TJAP1: variants seen among roughly 807,000 people sequenced by gnomAD.
TJAP1 encodes tight junction associated protein 1.
In TJAP1, 27 loss-of-function variants were observed where a neutral mutation model predicts 42.0. The ratio of observed to expected loss-of-function variants is 0.64; its 90% CI spans 0.47 to 0.89. The LOEUF (loss-of-function observed/expected upper bound fraction) is 0.89. Among genes scored for constraint, TJAP1 ranks in the 40% least tolerant of loss-of-function variants. The probability of loss-of-function intolerance (pLI) is 0.00; values close to 1 mark genes in which losing one functional copy is unlikely to be tolerated. For synonymous variants in TJAP1, 257 were observed against 288.4 expected (o/e 0.89, Z 1.10); for missense variants, 712 against 726.9 (o/e 0.98, Z 0.24).
intron 2 of TJAP1, among the ~76,000 whole-genome samples, chr6:43,479,131 G>A (rs774428167): frequency 6.6e-6 from 1 of 152,222 alleles, no homozygotes; most frequent in Non-Finnish European, 1.5e-5. Context: ...CAGTGAATGT[G>A]GCCTTCACTT....
In TJAP1 at chr6:43,505,823, C is replaced by A; in HGVS notation, c.1642C>A (p.Gln548Lys). The change falls in exon 11 of 11, where the codon CAG (glutamine) becomes AAG (lysine). Residue 548 changes from glutamine to lysine, a missense_variant. This residue lies in a region of TJAP1 where 549 missense variants were observed against 528.2 expected (regional missense o/e 1.04). Coordinates refer to ENST00000372449, the Ensembl canonical transcript of TJAP1. The surrounding 1 kb of genome is among the most constrained non-coding windows in gnomAD (Gnocchi z 5.5). ...CCTGCACCGCAAGGACAGCCTGACC[C>A]AGGCCCAGGAGCAGGGCAACCTGCT... The A allele has an allele frequency of 6.7e-7, 1 of 1,492,454 alleles. No homozygotes were observed. Among genetic ancestry groups the A allele is most frequent in the Non-Finnish European group, 8.9e-7 (1 of 1,125,470 alleles). The allele number at this position is 1,492,454 out of a possible 1,614,324, so 92.5% of individuals were successfully genotyped here. A position where few individuals can be genotyped will look rare whatever the true frequency, so the allele number is the denominator to read the frequency against.
In TJAP1 at chr6:43,505,056, ACT is replaced by A; in HGVS notation, c.880_881del (p.Leu294GlyfsTer17). 6.2e-7 allele frequency: 1 copy of A among 1,613,364 alleles called. No individual in the cohort carries two copies. Among genetic ancestry groups the A allele is most frequent in the Non-Finnish European group, 8.5e-7 (1 of 1,179,842 alleles). On this transcript the variant is annotated frameshift_variant, in exon 11 of 11. Transcript: ENST00000372449. LOFTEE classifies it high-confidence loss of function. The surrounding 1 kb of genome is among the most constrained non-coding windows in gnomAD (Gnocchi z 5.5). ...ACCCCACAACCCAATGGGGAGTGCC[ACT>A]CTCTGGGTACTGCCAGGGGCTCCCC...
Position 43,505,801 on chromosome 6 carries a change from G to A in TJAP1, c.1620G>A (p.Leu540=), listed in dbSNP as rs746775196. 5 of 1,502,084 alleles carry A rather than the reference G, an allele frequency of 3.3e-6. No homozygotes were observed. The highest frequency in any genetic ancestry group is 2.3e-5 in the Admixed American group (1 of 42,906). 93.0% of individuals were successfully genotyped at this position (1,502,084 alleles called of 1,614,324 possible). A position where few individuals can be genotyped will look rare whatever the true frequency, so the allele number is the denominator to read the frequency against. The change falls in exon 11 of 11, where the codon CTG becomes CTA. Residue 540 remains leucine (L), a synonymous_variant. Transcript: ENST00000372449. This position sits in a 1 kb window ranked among gnomAD's most constrained non-coding sequence, Gnocchi z 5.5. ...CCAAGAGGATGGGGGTTCACCACCTGCACCGCAAGGACAGCCTGACCCAGG... is the reference window on the plus strand; with the variant it reads ...CCAAGAGGATGGGGGTTCACCACCTACACCGCAAGGACAGCCTGACCCAGG...
chr6:43,487,626 T>C lies in TJAP1; in HGVS notation c.-122+9394T>C, dbSNP rs142227687. Among the ~76,000 whole-genome samples the C allele has an allele frequency of 2.4e-3, 369 of 152,252 alleles. 2 individuals carry two copies. The highest frequency in any genetic ancestry group is 8.6e-3 in the African/African-American group (358 of 41,538). ...ACCATAAGCATCAAAGGAAATATCA[T>C]GGAAGGGAAAGAGCTTCTGGGATGA... On this transcript the variant is annotated intron_variant, in intron 2 of 10. Coordinates refer to ENST00000372449, the Ensembl canonical transcript of TJAP1.
intron 4 of TJAP1, 56 bp from the exon 5 acceptor site, chr6:43,500,688 C>T (rs1790327168): frequency 6.2e-7 from 1 of 1,610,206 alleles, no homozygotes; most frequent in Non-Finnish European, 8.5e-7. Flanking sequence ...GGAGGGTGAG[C>T]CAGCCGGGGG....
rs563099164 is a variant in TJAP1 at position 43,481,821 on chromosome 6, T to C, written c.-122+3589T>C. Among the ~76,000 whole-genome samples the C allele has an allele frequency of 3.3e-4, 50 of 152,318 alleles. 1 individual carries two copies. Among genetic ancestry groups the C allele is most frequent in the African/African-American group, 1.1e-3 (46 of 41,576 alleles). On this transcript the variant is annotated intron_variant, in intron 2 of 10. Transcript: ENST00000372449. ...TATTTAAGACTCACTCTCCTCCTCC[T>C]TCTGAGTCATGTCCTGTCTATTTAA...
At chr6:43,497,693 G>C (rs1789527284) in intron 2 of TJAP1, 188 bp from the exon 3 acceptor site, 1 of 152,258 alleles carries the variant, frequency 6.6e-6, no homozygotes, top group South Asian at 2.1e-4. Flanking sequence ...CATGGAGAAA[G>C]GCAGGAACCC....
At chr6:43,500,603 C>A in intron 4 of TJAP1, 141 bp from the exon 5 acceptor site, 1 of 840,922 alleles carries the variant, frequency 1.2e-6, no homozygotes, top group Non-Finnish European at 2.0e-6. Context: ...TTGCTTCCAT[C>A]CGTAGAGAGC....
At chr6:43,478,001 T>A (rs1337681676) in intron 1 of TJAP1, 86 bp from the exon 2 acceptor site, 1 of 151,058 alleles carries the variant, frequency 6.6e-6, no homozygotes, top group Non-Finnish European at 1.5e-5. Flanking sequence ...TCTAGTAGAG[T>A]GGGATAGTGA....
rs1582076196 is a variant in TJAP1, at chr6:43,500,776, A to G, written c.128+4A>G. On this transcript the variant is annotated splice_donor_region_variant and intron_variant, in intron 5 of 10. Coordinates refer to ENST00000372449, the Ensembl canonical transcript of TJAP1. ...TGACTGATGCAGAAAGGATGAAGTG[A>G]GTATCTGCTACCTGAGATACTGCCC... 1 of 1,614,088 alleles carries G rather than the reference A, an allele frequency of 6.2e-7. No individual in the cohort carries two copies. The highest frequency in any genetic ancestry group is 8.5e-7 in the Non-Finnish European group (1 of 1,180,000).
At chr6:43,503,338 G>C in intron 8 of TJAP1, 63 bp from the exon 9 acceptor site, 1 of 1,305,790 alleles carries the variant, frequency 7.7e-7, no homozygotes. Context: ...GATGGGAGGA[G>C]GTGGAGGGAG....
rs1408608550 is a variant in TJAP1, at chr6:43,505,001, C to T, written c.820C>T (p.Pro274Ser). The T allele has an allele frequency of 2.5e-6, 4 of 1,613,952 alleles. No individual in the cohort carries two copies. The highest frequency in any genetic ancestry group is 2.2e-5 in the East Asian group (1 of 44,882). The change falls in exon 11 of 11, where the codon CCA becomes TCA. Residue 274 changes from proline to serine, a missense_variant. Around this residue, in one of 3 missense-constraint regions of TJAP1, gnomAD observed 549 missense variants for 528.2 expected, o/e 1.04. Coordinates refer to ENST00000372449, the Ensembl canonical transcript of TJAP1. This position sits in a 1 kb window ranked among gnomAD's most constrained non-coding sequence, Gnocchi z 5.5. ...CATGAGTGAGGGTGTCCCAGGTGAT[C>T]CAGCCAGTCCCCCGGCCCCTGGCAG...
intron 8 of TJAP1, chr6:43,502,930 C>A (rs1211466235): frequency 1.9e-6 from 1 of 526,140 alleles, no homozygotes; most frequent in African/African-American, 1.9e-5. Context: ...AGTCCCTGAA[C>A]TGGAGATCAG....
At chr6:43,478,323 C>G (rs988904588) in intron 2 of TJAP1, 91 bp downstream of exon 2, 20 of 152,220 alleles carry the variant, frequency 1.3e-4, no homozygotes, top group Admixed American at 1.3e-3. Context: ...AACATTTGGT[C>G]TGAAAAGGGC....
chr6:43,505,840 C>A lies in TJAP1; in HGVS notation c.1659C>A (p.Gly553=). 1 of 1,474,396 alleles carries A rather than the reference C, an allele frequency of 6.8e-7. No individual in the cohort carries two copies. The highest frequency in any genetic ancestry group is 9.0e-7 in the Non-Finnish European group (1 of 1,117,174). 91.3% of individuals were successfully genotyped at this position (1,474,396 alleles called of 1,614,324 possible). A position where few individuals can be genotyped will look rare whatever the true frequency, so the allele number is the denominator to read the frequency against. ...GCCTGACCCAGGCCCAGGAGCAGGG[C>A]AACCTGCTCAACTAGGGCCCCTGCT... Residue 553 remains glycine, a synonymous_variant, in exon 11 of 11, where the codon GGC becomes GGA. Coordinates refer to ENST00000372449, the Ensembl canonical transcript of TJAP1. The surrounding 1 kb of genome is among the most constrained non-coding windows in gnomAD (Gnocchi z 5.5).
chr6:43,487,872 T>TTTTTTTTG (rs1428420078), intron 2 of TJAP1, among the ~76,000 whole-genome samples: 1 of 143,174 alleles, frequency 7.0e-6, no homozygotes, highest in African/African-American at 2.7e-5. Context: ...TTCTAGTAGT[T>TTTTTTTTG]TTTTTTTTTT....
chr6:43,500,625 C>A, intron 4 of TJAP1, 119 bp from the exon 5 acceptor site: 3 of 1,124,598 alleles, frequency 2.7e-6, no homozygotes, highest in Admixed American at 1.7e-5. Flanking sequence ...CTGCAGCCCT[C>A]TTCTGCTATA....
intron 10 of TJAP1, chr6:43,504,101 AAGT>A (rs1561830324): frequency 2.9e-6 from 1 of 346,066 alleles, no homozygotes; most frequent in African/African-American, 2.1e-5. Context: ...GAAGTAGAAG[AAGT>A]AGAGGTATTT....
At chr6:43,482,055 G>T in intron 2 of TJAP1, among the ~76,000 whole-genome samples, 1 of 152,240 alleles carries the variant, frequency 6.6e-6, no homozygotes, top group East Asian at 1.9e-4. Flanking sequence ...TCTGTCAGAC[G>T]TATCGCTCCC....
Sources: gnomAD v4.1 joint callset for allele counts (sites outside exome capture counted in the v4.1 genomes callset) on GRCh38, gnomAD v4.1.1 for gene constraint, gnomAD v4.1.1 regional missense constraint, Gnocchi (gnomAD v3.1) non-coding constraint, MANE v1.5 for transcripts, NCBI Gene and HGNC (gene_info 2026-07-23, HGNC 2026-07-21) for gene names.